Variants in PNLDC1 observed in about 807,000 individuals in gnomAD.
PNLDC1 encodes poly(A)-specific ribonuclease PNLDC1.
A neutral mutation model predicts 82.0 loss-of-function variants in PNLDC1; 70 were observed. The observed-to-expected ratio is 0.85, with a 90% CI of 0.70 to 1.04. PNLDC1 has a LOEUF of 1.04. PNLDC1 is among the 50% of genes least tolerant of loss of function. The pLI, the probability that PNLDC1 is intolerant of heterozygous loss-of-function variation, is 0.00. For missense variants in PNLDC1, 631 were observed against 661.1 expected, an observed-to-expected ratio of 0.95 and a Z score of 0.50; for synonymous variants, 280 against 249.3, an observed-to-expected ratio of 1.12 and a Z score of -1.16.
chr6:159,808,645 T>C, intron 7 of PNLDC1, 95 bp from the exon 8 acceptor site: 1 of 1,200,960 alleles, frequency 8.3e-7, no homozygotes, highest in Non-Finnish European at 1.2e-6. Context: ...CCACTTGACC[T>C]TTCCATCTCA....
Position 159,800,303 on chromosome 6 carries a change from C to A in PNLDC1, c.-5C>A, listed in dbSNP as rs558612196. 3.2e-6 allele frequency: 5 copies of A among 1,545,646 alleles called. No individual in the cohort carries two copies. Among genetic ancestry groups the A allele is most frequent in the Non-Finnish European group, 4.4e-6 (5 of 1,144,820 alleles). On this transcript the variant is annotated 5_prime_UTR_variant, in exon 1 of 19. Coordinates refer to ENST00000392167, the MANE Select transcript of PNLDC1 (RefSeq NM_001271862.2). ...CGCTGGGCGACTCCGCGGAGCTGCA[C>A]GGCCATGGACGTGGGCGCCGACGAG...
chr6:159,820,466 A>G lies in PNLDC1; in HGVS notation c.1545A>G (p.Ile515Met). The change falls in exon 19 of 19, where the codon ATA becomes ATG. Residue 515 changes from isoleucine to methionine, a missense_variant. Coordinates refer to ENST00000392167, the MANE Select transcript of PNLDC1 (RefSeq NM_001271862.2). ...NVNCLLQVCG[I>M]VTAWALLAFI... ...CATTGTCTTGCAGAGTCTGTGGCAT[A>G]GTGACTGCCTGGGCCCTTCTCGCGT... is the stretch of plus-strand genomic sequence containing the variant. 1.9e-6 allele frequency: 3 copies of G among 1,614,168 alleles called. No individual in the cohort carries two copies. The South Asian group carries it at 3.3e-5, about 18-fold the overall frequency.
intron 13 of PNLDC1, 89 bp downstream of exon 13, chr6:159,816,122 A>ACCCCCCCCCCC (rs1781808716): frequency 5.7e-6 from 3 of 526,744 alleles, no homozygotes; most frequent in South Asian, 3.9e-5. Context: ...GTTCCCCCAC[A>ACCCCCCCCCCC]CCCCTCCCCA....
chr6:159,813,752 C>G, intron 12 of PNLDC1, 96 bp downstream of exon 12: 1 of 1,073,994 alleles, frequency 9.3e-7, no homozygotes, highest in South Asian at 1.3e-5. Flanking sequence ...GCCCACCATT[C>G]ACAGTGATGC....
intron 12 of PNLDC1, among the ~76,000 whole-genome samples, chr6:159,813,904 A>T (rs1398874399): frequency 6.6e-6 from 1 of 152,120 alleles, no homozygotes; most frequent in Non-Finnish European, 1.5e-5. Context: ...TTGCGCGATT[A>T]CTGTCCCCTT....
rs569201891 is a variant in PNLDC1 at position 159,811,866 on chromosome 6, T to C, written c.939+80T>C. 367 of 1,132,746 alleles carry C rather than the reference T, an allele frequency of 3.2e-4. 1 individual carries two copies. Among genetic ancestry groups the C allele is most frequent in the Admixed American group, 2.2e-4 (9 of 40,934 alleles). 70.2% of individuals were successfully genotyped at this position (1,132,746 alleles called of 1,614,324 possible). A position where few individuals can be genotyped will look rare whatever the true frequency, so the allele number is the denominator to read the frequency against. ...TTAGCTTTCTCTTGTGGGGTTTTTT[T>C]CTTGTGTTTTTTTGTTTTTTTTGTT... On this transcript the variant is annotated intron_variant, in intron 11 of 18. Coordinates refer to ENST00000392167, the MANE Select transcript of PNLDC1 (RefSeq NM_001271862.2).
At chr6:159,816,630 C>CTT (rs199990987) in intron 14 of PNLDC1, 34 bp downstream of exon 14, 3,589 of 1,305,136 alleles carry the variant, frequency 2.7e-3, no homozygotes, top group Non-Finnish European at 3.2e-3. Context: ...AGGAAACTCA[C>CTT]TTTTTTTTTT....
At chr6:159,809,200 T>C in intron 9 of PNLDC1, 42 bp downstream of exon 9, 1 of 1,602,142 alleles carries the variant, frequency 6.2e-7, no homozygotes. Flanking sequence ...AGGCAGTCTT[T>C]AGTATTTCTG....
At chr6:159,804,407 G>A in intron 5 of PNLDC1, 142 bp from the exon 6 acceptor site, 3 of 662,796 alleles carry the variant, frequency 4.5e-6, no homozygotes, top group South Asian at 3.9e-5. Context: ...CCCGGCCTGG[G>A]AATGTCTTAC....
In PNLDC1 at chr6:159,801,199, T is replaced by G; in HGVS notation, c.208+13T>G. The G allele has an allele frequency of 3.1e-6, 5 of 1,610,096 alleles. No homozygotes were observed. The highest frequency in any genetic ancestry group is 1.7e-6 in the Non-Finnish European group (2 of 1,176,310). The stretch of plus-strand genomic sequence containing the variant: ...GTCTGTCAGATTGGTGAGTTTAATA[T>G]CAGCTGTTAGAGTTTTTCAAGAAGG... On this transcript the variant is annotated intron_variant, in intron 3 of 18. Transcript: ENST00000392167.
At chr6:159,816,120 A>ACACCCCTCCCCACCCCCCCGCCC in intron 13 of PNLDC1, 87 bp downstream of exon 13, 1 of 706,724 alleles carries the variant, frequency 1.4e-6, no homozygotes. Flanking sequence ...TGGTTCCCCC[A>ACACCCCTCCCCACCCCCCCGCCC]CACCCCTCCC....
chr6:159,800,512 T>TGGAGAAGGAAGCCCCCCTG, intron 1 of PNLDC1, 129 bp downstream of exon 1: 1 of 1,312,230 alleles, frequency 7.6e-7, no homozygotes, highest in Non-Finnish European at 1.0e-6. Context: ...ACAGGGGGGC[T>TGGAGAAGGAAGCCCCCCTG]TCCTTCTCCA....
Position 159,819,382 on chromosome 6 carries a change from T to A in PNLDC1, c.1532+30T>A, listed in dbSNP as rs1234723707. 6.3e-7 allele frequency: 1 copy of A among 1,597,096 alleles called. No homozygotes were observed. Among genetic ancestry groups the A allele is most frequent in the Admixed American group, 1.7e-5 (1 of 59,560 alleles). On this transcript the variant is annotated intron_variant, in intron 18 of 18. Transcript: ENST00000392167. This position sits in a 1 kb window ranked among gnomAD's most constrained non-coding sequence, Gnocchi z 4.6. Reference sequence around the variant, plus strand: ...GTGACAGGCTGAGGCCACCTGCCTGTCCTGGGGTCCTGGAGTGCCCGGGGT... The same window carrying A: ...GTGACAGGCTGAGGCCACCTGCCTGACCTGGGGTCCTGGAGTGCCCGGGGT...
At chr6:159,807,053 C>T (rs11965354) in intron 7 of PNLDC1, among the ~76,000 whole-genome samples, 1,567 of 152,100 alleles carry the variant, frequency 0.01, 31 homozygotes, top group African/African-American at 0.036. Context: ...CCACCATGCC[C>T]GGCTAATTTT....
intron 7 of PNLDC1, among the ~76,000 whole-genome samples, 199 bp downstream of exon 7, chr6:159,806,282 C>A (rs1005863346): frequency 6.6e-6 from 1 of 152,180 alleles, no homozygotes; most frequent in Non-Finnish European, 1.5e-5. Flanking sequence ...TGAAGGCTTT[C>A]GACATACTTT....
intron 6 of PNLDC1, among the ~76,000 whole-genome samples, chr6:159,804,903 T>C (rs575601459): frequency 6.6e-6 from 1 of 152,316 alleles, no homozygotes; most frequent in East Asian, 1.9e-4. Flanking sequence ...AGAAACTGAC[T>C]CCTAATTTGG....
At chr6:159,801,331 T>G in intron 3 of PNLDC1, 145 bp downstream of exon 3, 2 of 798,446 alleles carry the variant, frequency 2.5e-6, no homozygotes, top group Non-Finnish European at 4.2e-6. Flanking sequence ...ATTGTATACA[T>G]ATGGAAATCA....
chr6:159,813,732 C>T (rs956436260), intron 12 of PNLDC1, 76 bp downstream of exon 12: 1 of 1,332,340 alleles, frequency 7.5e-7, no homozygotes. Context: ...CCTTTGGGCT[C>T]TCTAGGCGTG....
At chr6:159,803,775 T>C (rs1781347440) in intron 4 of PNLDC1, among the ~76,000 whole-genome samples, 190 bp from the exon 5 acceptor site, 1 of 152,150 alleles carries the variant, frequency 6.6e-6, no homozygotes, top group Admixed American at 6.5e-5. Context: ...ACGCTGGCCC[T>C]GAAGGCAGGC....
Sources: gnomAD v4.1 joint callset for allele counts (sites outside exome capture counted in the v4.1 genomes callset) on GRCh38, gnomAD v4.1.1 for gene constraint, Gnocchi (gnomAD v3.1) non-coding constraint, MANE v1.5 for transcripts, NCBI Gene and HGNC (gene_info 2026-07-23, HGNC 2026-07-21) for gene names.